Variants in VMA22 observed in about 807,000 individuals in gnomAD.
VMA22 encodes vacuolar ATPase assembly protein VMA22.
chr2:130,339,524 C>T, the VMA22 span: 2 of 1,295,720 alleles, frequency 1.5e-6, no homozygotes, highest in Non-Finnish European at 1.0e-6. Flanking sequence ...TCATTTCCTT[C>T]CTTCCCCCAT....
chr2:130,341,797 A>ACGCGGGCCCG, the VMA22 span: 1 of 1,486,662 alleles, frequency 6.7e-7, no homozygotes, highest in Non-Finnish European at 9.2e-7. Context: ...CGGGCCTAGA[A>ACGCGGGCCCG]CGCGCCCGCC....
the VMA22 span, chr2:130,341,888 G>C: frequency 6.2e-7 from 1 of 1,605,338 alleles, no homozygotes; most frequent in South Asian, 1.1e-5. Context: ...CATACTGCAG[G>C]GGCCCTACCG....
At chr2:130,339,769 C>G in the VMA22 span, 2 of 1,303,650 alleles carry the variant, frequency 1.5e-6, no homozygotes, top group Non-Finnish European at 2.0e-6. Context: ...ACACCTGCCC[C>G]CAGGTGTTGC....
At chr2:130,338,818 A>T in the VMA22 span, 1 of 336,766 alleles carries the variant, frequency 3.0e-6, no homozygotes, top group Non-Finnish European at 5.6e-6. Context: ...CAGCCATGAA[A>T]GCACAGCTGA....
chr2:130,339,021 G>T, the VMA22 span: 1 of 830,512 alleles, frequency 1.2e-6, no homozygotes, highest in Non-Finnish European at 2.0e-6. Flanking sequence ...AGCTGGCGTG[G>T]GGTAGGGGCA....
the VMA22 span, chr2:130,341,054 G>A: frequency 1.3e-6 from 2 of 1,586,220 alleles, no homozygotes; most frequent in South Asian, 1.1e-5. Flanking sequence ...GGAAAGAAAG[G>A]TTGGAGGAGG....
chr2:130,339,060 A>C, the VMA22 span: 59 of 1,298,106 alleles, frequency 4.5e-5, no homozygotes, highest in South Asian at 6.7e-4. Flanking sequence ...AGAAGGCCTG[A>C]GATCACGTAG....
chr2:130,341,843 G>T, the VMA22 span: 1 of 1,050,134 alleles, frequency 9.5e-7, no homozygotes, highest in Non-Finnish European at 1.3e-6. Context: ...TTCCTCACCT[G>T]GCGTGGAGGC....
chr2:130,342,672 T>C, the VMA22 span: 1 of 517,550 alleles, frequency 1.9e-6, no homozygotes, highest in South Asian at 2.7e-5. Context: ...GGCGGACATA[T>C]TTATTAGCTG....
At chr2:130,340,544 G>T in the VMA22 span, 1 of 295,514 alleles carries the variant, frequency 3.4e-6, no homozygotes, top group Non-Finnish European at 6.6e-6. Flanking sequence ...CCTCCTCAGA[G>T]AGACCTCCCC....
At chr2:130,342,084 G>A in the VMA22 span, 7 of 1,613,714 alleles carry the variant, frequency 4.3e-6, no homozygotes, top group African/African-American at 2.7e-5. Context: ...GCAGCTGCAG[G>A]ACCAGCGAAT....
chr2:130,342,521 G>GGCAA, the VMA22 span: 1 of 468,154 alleles, frequency 2.1e-6, no homozygotes, highest in Non-Finnish European at 3.8e-6. Flanking sequence ...GAAAGGAGCC[G>GGCAA]GCAAGCAACC....
the VMA22 span, chr2:130,339,371 C>G: frequency 7.4e-7 from 1 of 1,345,180 alleles, no homozygotes; most frequent in Non-Finnish European, 9.9e-7. Context: ...CAGGTACGGC[C>G]CTGCATTGGC....
chr2:130,340,609 T>A, the VMA22 span: 1 of 404,054 alleles, frequency 2.5e-6, no homozygotes, highest in Admixed American at 3.9e-5. Context: ...TTTCACAGCC[T>A]GACTTATGTT....
At chr2:130,339,273 T>C in the VMA22 span, 1 of 1,559,900 alleles carries the variant, frequency 6.4e-7, no homozygotes, top group Non-Finnish European at 8.8e-7. Context: ...ATCTGTAGTG[T>C]AACACACGAC....
At chr2:130,339,540 C>A in the VMA22 span, 1 of 1,273,062 alleles carries the variant, frequency 7.9e-7, no homozygotes. Flanking sequence ...CCCATTATTA[C>A]AGCATCTCTC....
the VMA22 span, chr2:130,340,835 G>C: frequency 6.4e-7 from 1 of 1,568,062 alleles, no homozygotes; most frequent in Non-Finnish European, 8.8e-7. Flanking sequence ...CCCAGCCATG[G>C]CAGCAGTGCT....
the VMA22 span, chr2:130,342,302 C>T: frequency 8.7e-6 from 11 of 1,270,808 alleles, no homozygotes; most frequent in Non-Finnish European, 1.2e-5. Context: ...CTTAGAGAAG[C>T]AGCACGGAAG....
At chr2:130,341,698 G>A in the VMA22 span, 2 of 1,611,704 alleles carry the variant, frequency 1.2e-6, no homozygotes, top group South Asian at 1.1e-5. Flanking sequence ...CCTCTGGGGC[G>A]TGGACACCAG....
Sources: gnomAD v4.1 joint callset for allele counts on GRCh38, gnomAD v4.1.1 for gene constraint, MANE v1.5 for transcripts, NCBI Gene and HGNC (gene_info 2026-07-23, HGNC 2026-07-21) for gene names.